Variants in SACS observed in about 807,000 individuals in gnomAD.
The protein encoded by SACS is sacsin.
In SACS, 197 loss-of-function variants were observed where a neutral mutation model predicts 348.0. The observed-to-expected ratio is 0.57, with a 90% CI of 0.50 to 0.64. SACS has a LOEUF of 0.64. Among genes scored for constraint, SACS ranks in the 30% least tolerant of loss-of-function variants. The probability of loss-of-function intolerance (pLI) is 0.00; values close to 1 mark genes in which losing one functional copy is unlikely to be tolerated. For synonymous variants in SACS, 1,985 were observed against 1,910.6 expected (o/e 1.04, Z -1.02); for missense variants, 4,999 against 5,360.8 (o/e 0.93, Z 2.11).
At position 23,335,789 on chromosome 13, in the gene SACS, G is replaced by A; in HGVS notation, c.8087C>T (p.Thr2696Ile). The A allele has an allele frequency of 6.2e-7, 1 of 1,613,988 alleles. No individual in the cohort carries two copies. The stretch of plus-strand genomic sequence containing the variant: ...ATTACGAAGAGGAAATCTGAACATT[G>A]TGCAATTATCCAGTTTAAAATGGGT... ...LGTHFKLDNC[T>I]MFRFPLRNAE... Residue 2696 changes from threonine (T) to isoleucine (I), a missense_variant, in exon 10 of 10, where the codon ACA becomes ATA. Physicochemically the swap from Thr to Ile is moderately conservative, Grantham distance 89 (BLOSUM62 -1). Coordinates refer to ENST00000382292, the MANE Select transcript of SACS (RefSeq NM_014363.6). The surrounding 1 kb of genome is among the most constrained non-coding windows in gnomAD (Gnocchi z 4.7).
At chr13:23,404,950 G>A (rs1041285497) in intron 2 of SACS, among the ~76,000 whole-genome samples, 4 of 152,160 alleles carry the variant, frequency 2.6e-5, no homozygotes, top group Non-Finnish European at 5.9e-5. Flanking sequence ...CTCATGGATA[G>A]GAAGAATCAA....
intron 9 of SACS, among the ~76,000 whole-genome samples, chr13:23,345,809 G>A (rs940751144): frequency 7.2e-5 from 11 of 152,010 alleles, no homozygotes; most frequent in African/African-American, 2.7e-4. Context: ...TCATAAAAAT[G>A]ATTTCTATAA....
In SACS at chr13:23,336,074, A is replaced by C; in HGVS notation, c.7802T>G (p.Val2601Gly). The stretch of plus-strand genomic sequence containing the variant: ...TTTTCCAAGATTCTGAATTCCTCTA[A>C]CATCATCTTCTGTAAATGGCTGGTT... ...YNNQPFTEDD[V>G]RGIQNLGKGT... Residue 2601 changes from valine to glycine, a missense_variant, in exon 10 of 10, where the codon GTT (valine) becomes GGT (glycine). Val to Gly is a moderately radical substitution (Grantham distance 109, BLOSUM62 -3). Around this residue, in one of 6 missense-constraint regions of SACS, gnomAD observed 3,156 missense variants for 3,380.1 expected, o/e 0.93. Coordinates refer to ENST00000382292, the MANE Select transcript of SACS (RefSeq NM_014363.6). 1 of 1,611,848 alleles carries C rather than the reference A, an allele frequency of 6.2e-7. No homozygotes were observed. Among genetic ancestry groups the C allele is most frequent in the Non-Finnish European group, 8.5e-7 (1 of 1,178,228 alleles).
At position 23,333,955 on chromosome 13, in the gene SACS, C is replaced by T. The variant is rs1469428186; in HGVS notation, c.9921G>A (p.Met3307Ile). 7 of 1,613,762 alleles carry T rather than the reference C, an allele frequency of 4.3e-6. No homozygotes were observed. Among genetic ancestry groups the T allele is most frequent in the Non-Finnish European group, 5.9e-6 (7 of 1,179,852 alleles). Residue 3307 changes from methionine (M) to isoleucine (I), a missense_variant, in exon 10 of 10, where the codon ATG becomes ATA. Physicochemically the swap from Met to Ile is conservative, Grantham distance 10 (BLOSUM62 1). This residue lies in a region of SACS where 734 missense variants were observed against 694.0 expected (regional missense o/e 1.06). Coordinates refer to ENST00000382292, the MANE Select transcript of SACS (RefSeq NM_014363.6). ...EGDVLLPLSLMHIAVFPNAQS... is the reference protein window; with the variant it reads ...EGDVLLPLSLIHIAVFPNAQS... ...GGGCATTTGGAAAAACTGCAATGTG[C>T]ATAAGGCTGAGAGGAAGCAGAACAT...
intron 6 of SACS, among the ~76,000 whole-genome samples, chr13:23,364,713 G>A (rs965470812): frequency 6.6e-6 from 1 of 152,168 alleles, no homozygotes; most frequent in Non-Finnish European, 1.5e-5. Flanking sequence ...TTCTTATCAT[G>A]TTTCCTTTCA....
At chr13:23,417,141 C>T (rs1873719897) in intron 1 of SACS, among the ~76,000 whole-genome samples, 1 of 152,080 alleles carries the variant, frequency 6.6e-6, no homozygotes, top group Non-Finnish European at 1.5e-5. Context: ...AATGAAAGAA[C>T]TTACATAGGA....
At chr13:23,366,217 T>C (rs768362029) in intron 5 of SACS, among the ~76,000 whole-genome samples, 2 of 151,890 alleles carry the variant, frequency 1.3e-5, no homozygotes, top group Non-Finnish European at 2.9e-5. Context: ...TACATCAGAG[T>C]AGAGAGGTGG....
chr13:23,398,222 A>T (rs1872787615), intron 2 of SACS, among the ~76,000 whole-genome samples: 1 of 151,410 alleles, frequency 6.6e-6, no homozygotes, highest in African/African-American at 2.4e-5. Flanking sequence ...ATTAAATTTT[A>T]AAAATACATT....
At chr13:23,400,498 G>A (rs1350071568) in intron 2 of SACS, among the ~76,000 whole-genome samples, 1 of 152,158 alleles carries the variant, frequency 6.6e-6, no homozygotes, top group Non-Finnish European at 1.5e-5. Context: ...TCGGCTCACT[G>A]CAAGCTCCGC....
intron 1 of SACS, among the ~76,000 whole-genome samples, chr13:23,433,236 G>A (rs1374959122): frequency 6.6e-6 from 1 of 152,070 alleles, no homozygotes; most frequent in Non-Finnish European, 1.5e-5. Context: ...CCATTGTGGC[G>A]GTGCCTGGCA....
Position 23,361,558 on chromosome 13 carries a change from C to T in SACS, c.458-3077G>A, listed in dbSNP as rs146996390. Among the ~76,000 whole-genome samples the T allele has an allele frequency of 2.4e-3, 371 of 152,232 alleles. 1 individual carries two copies. Among genetic ancestry groups the T allele is most frequent in the Non-Finnish European group, 3.6e-3 (245 of 68,016 alleles). ...TTGGGAGGCCGAGGTGGGAAGATTA[C>T]CTGAGGTCAGGAATTCGAGACCAGC... On this transcript the variant is annotated intron_variant, in intron 6 of 9. Coordinates refer to ENST00000382292, the MANE Select transcript of SACS (RefSeq NM_014363.6).
chr13:23,432,255 A>G (rs1462243917), intron 1 of SACS, among the ~76,000 whole-genome samples: 2 of 152,238 alleles, frequency 1.3e-5, no homozygotes, highest in Non-Finnish European at 1.5e-5. Context: ...TATGTGAAGA[A>G]TAGAAAACAC....
intron 9 of SACS, among the ~76,000 whole-genome samples, chr13:23,347,136 C>T (rs775044889): frequency 1.3e-5 from 2 of 152,128 alleles, no homozygotes; most frequent in Non-Finnish European, 2.9e-5. Context: ...AGCTGCATAA[C>T]GTCATTTGAT....
intron 1 of SACS, among the ~76,000 whole-genome samples, chr13:23,419,755 T>G (rs1251327283): frequency 6.6e-6 from 1 of 152,238 alleles, no homozygotes; most frequent in Non-Finnish European, 1.5e-5. Context: ...CAGCATTCTG[T>G]TGCGAGTTCC....
intron 2 of SACS, among the ~76,000 whole-genome samples, chr13:23,409,075 C>T (rs1466995444): frequency 4.5e-4 from 12 of 26,850 alleles, no homozygotes; most frequent in African/African-American, 2.2e-3. Context: ...TTTTTTGAGA[C>T]GGAGTCTTCC....
intron 9 of SACS, among the ~76,000 whole-genome samples, chr13:23,347,326 T>C (rs1339381224): frequency 6.6e-6 from 1 of 152,178 alleles, no homozygotes; most frequent in African/African-American, 2.4e-5. Context: ...TGCTTGTCCA[T>C]GGTAACCAAC....
intron 2 of SACS, among the ~76,000 whole-genome samples, chr13:23,402,858 G>C (rs1873038444): frequency 1.3e-5 from 2 of 152,126 alleles, no homozygotes; most frequent in Admixed American, 1.3e-4. Flanking sequence ...TCTTAGCATG[G>C]CTTCCTAACC....
chr13:23,342,456 G>A (rs760564854), intron 9 of SACS, among the ~76,000 whole-genome samples: 1 of 152,146 alleles, frequency 6.6e-6, no homozygotes, highest in African/African-American at 2.4e-5. Context: ...TCCCTTATCT[G>A]AATGCTTGTG....
At position 23,337,970 on chromosome 13, in the gene SACS, T is replaced by C. The variant is rs776693219; in HGVS notation, c.5906A>G (p.His1969Arg). Residue 1969 changes from histidine to arginine, a missense_variant, in exon 10 of 10, where the codon CAT becomes CGT. By Grantham distance (29) the His-to-Arg change is conservative. Coordinates refer to ENST00000382292, the MANE Select transcript of SACS (RefSeq NM_014363.6). ...ICQGFYEDIAHGKGKELTKVF... is the reference protein window; with the variant it reads ...ICQGFYEDIARGKGKELTKVF... The stretch of plus-strand genomic sequence containing the variant: ...TTTGGTCAGTTCTTTCCCTTTTCCA[T>C]GAGCTATATCTTCATAAAATCCTTG... 6.8e-6 allele frequency: 11 copies of C among 1,613,948 alleles called. No homozygotes were observed. Among genetic ancestry groups the C allele is most frequent in the Non-Finnish European group, 8.5e-6 (10 of 1,179,978 alleles).
Sources: allele counts gnomAD v4.1 joint callset (sites outside exome capture counted in the v4.1 genomes callset), GRCh38; gene constraint gnomAD v4.1.1; regional missense constraint gnomAD v4.1.1; non-coding constraint Gnocchi (gnomAD v3.1); transcripts MANE v1.5; gene names NCBI Gene and HGNC (gene_info 2026-07-23, HGNC 2026-07-21).